The following RUSC2 variants were observed in gnomAD, a reference collection of about 807,000 sequenced individuals.
RUSC2 encodes the protein AP-4 complex accessory subunit RUSC2.
In RUSC2, 34 loss-of-function variants were observed where a neutral mutation model predicts 122.2. The observed-to-expected ratio is 0.28, with a 90% confidence interval of 0.21 to 0.37. The LOEUF is 0.37. RUSC2 is among the 10% of genes least tolerant of loss of function. The pLI is 1.00. For synonymous variants in RUSC2, 784 were observed against 790.0 expected (o/e 0.99, Z 0.13); for missense variants, 1,747 against 1,952.4 (o/e 0.89, Z 1.98).
chr9:35,522,675 A>T (rs1821239017), intron 1 of RUSC2, among the ~76,000 whole-genome samples: 1 of 152,216 alleles, frequency 6.6e-6, no homozygotes, highest in Admixed American at 6.5e-5. Context: ...TCACAAGATG[A>T]TATTAATTGA....
chr9:35,555,626 C>A lies in RUSC2; in HGVS notation c.2581C>A (p.Arg861=), dbSNP rs144693880. 1.2e-6 allele frequency: 2 copies of A among 1,612,188 alleles called. No individual in the cohort carries two copies. The highest frequency in any genetic ancestry group is 1.3e-5 in the African/African-American group (1 of 74,938). ...AAGCTTGCCGCCTCTGGGCTCCTGG[C>A]GATCTGGCCTCAGCCGAGCAGAGAG... The part of the protein sequence containing the change: ...TGSLPPLGSW[R]SGLSRAESLA... The change falls in exon 3 of 12, where the codon CGA becomes AGA. Residue 861 remains arginine, a synonymous_variant. Coordinates refer to ENST00000361226, the MANE Select transcript of RUSC2 (RefSeq NM_014806.5). This position sits in a 1 kb window ranked among gnomAD's most constrained non-coding sequence, Gnocchi z 4.6.
intron 1 of RUSC2, among the ~76,000 whole-genome samples, chr9:35,519,712 T>TC (rs1821176260): frequency 6.6e-6 from 1 of 152,208 alleles, no homozygotes; most frequent in Non-Finnish European, 1.5e-5. Flanking sequence ...AGGAAAGAGC[T>TC]CCACTGGTCA....
intron 1 of RUSC2, 113 bp downstream of exon 1, chr9:35,490,285 C>G (rs911478160): frequency 6.5e-6 from 1 of 154,066 alleles, no homozygotes; most frequent in Non-Finnish European, 1.4e-5. Context: ...CAGCGCCTGC[C>G]CTTCCCTTCA....
At position 35,548,551 on chromosome 9, in the gene RUSC2, G is replaced by C. The variant is rs765335419; in HGVS notation, c.2014+16G>C. 1.3e-6 allele frequency: 2 copies of C among 1,587,064 alleles called. No individual in the cohort carries two copies. Among genetic ancestry groups the C allele is most frequent in the Non-Finnish European group, 1.7e-6 (2 of 1,168,518 alleles). On this transcript the variant is annotated intron_variant, in intron 2 of 11. Coordinates refer to ENST00000361226, the MANE Select transcript of RUSC2 (RefSeq NM_014806.5). The surrounding 1 kb of genome is among the most constrained non-coding windows in gnomAD (Gnocchi z 4.5). ...AGAGCTGACGGTAAGGAGCCTAAGG[G>C]TTAGCAAATATGTGGCTATTCACCA...
At position 35,529,301 on chromosome 9, in the gene RUSC2, T is replaced by C. The variant is rs925845246; in HGVS notation, c.-92-17129T>C. On this transcript the variant is annotated intron_variant, in intron 1 of 11. Coordinates refer to ENST00000361226, the MANE Select transcript of RUSC2 (RefSeq NM_014806.5). ...GAACCAGTGAAGCTGCCATGAGGAG[T>C]GCTGGGAACACGGCAAACTGAAGGT... 4.0e-5 allele frequency among the ~76,000 whole-genome samples: 6 copies of C among 151,250 alleles called. No homozygotes were observed. The South Asian group carries it at 1.3e-3, about 32-fold the overall frequency.
chr9:35,519,650 C>T (rs531186638), intron 1 of RUSC2, among the ~76,000 whole-genome samples: 1 of 152,216 alleles, frequency 6.6e-6, no homozygotes, highest in South Asian at 2.1e-4. Flanking sequence ...TTTTGCCTGC[C>T]ACTTCCCTGA....
At chr9:35,495,088 T>A (rs111775833) in intron 1 of RUSC2, among the ~76,000 whole-genome samples, 34 of 50,696 alleles carry the variant, frequency 6.7e-4, no homozygotes, top group South Asian at 2.9e-3. Flanking sequence ...TAGTATATAT[T>A]ATATATACTA....
chr9:35,519,634 AAG>A (rs1443341030), intron 1 of RUSC2, among the ~76,000 whole-genome samples: 1 of 152,076 alleles, frequency 6.6e-6, no homozygotes, highest in African/African-American at 2.4e-5. Flanking sequence ...GGCTCTTTTA[AAG>A]AGATTTTGCC....
chr9:35,510,716 C>T (rs985394652), intron 1 of RUSC2, among the ~76,000 whole-genome samples: 3 of 152,162 alleles, frequency 2.0e-5, no homozygotes, highest in African/African-American at 7.2e-5. Flanking sequence ...TTCCTTCAAA[C>T]GTTTGCCCAA....
chr9:35,556,978 G>A (rs907815033), intron 5 of RUSC2, among the ~76,000 whole-genome samples: 12 of 152,110 alleles, frequency 7.9e-5, no homozygotes, highest in African/African-American at 2.2e-4. Flanking sequence ...GTCACGCTCC[G>A]GTCCCTTCCT....
intron 1 of RUSC2, among the ~76,000 whole-genome samples, chr9:35,508,560 A>G (rs753575635): frequency 1.3e-5 from 2 of 152,188 alleles, no homozygotes; most frequent in Non-Finnish European, 2.9e-5. Flanking sequence ...CCACTCTGAG[A>G]TTGTCGTCAT....
intron 10 of RUSC2, 29 bp downstream of exon 10, chr9:35,560,880 G>T: frequency 6.4e-7 from 1 of 1,565,030 alleles, no homozygotes. Flanking sequence ...TAGGGATGGA[G>T]GGAGTAGGGA....
intron 1 of RUSC2, among the ~76,000 whole-genome samples, chr9:35,543,640 T>G (rs1821686825): frequency 6.6e-6 from 1 of 152,232 alleles, no homozygotes; most frequent in Admixed American, 6.5e-5. Flanking sequence ...GGCTAATTTT[T>G]GTATTTTTAG....
At chr9:35,511,430 C>T (rs373621428) in intron 1 of RUSC2, among the ~76,000 whole-genome samples, 2 of 152,098 alleles carry the variant, frequency 1.3e-5, no homozygotes, top group African/African-American at 4.8e-5. Context: ...GAGGAGCTGT[C>T]GCAAGGATAC....
chr9:35,535,751 AG>A (rs1564257518), intron 1 of RUSC2, among the ~76,000 whole-genome samples: 1 of 151,606 alleles, frequency 6.6e-6, no homozygotes, highest in African/African-American at 2.4e-5. Flanking sequence ...TGTGTTAGCC[AG>A]GATGGTCTCA....
rs759525664 is a variant in RUSC2 at position 35,546,787 on chromosome 9, G to A, written c.266G>A (p.Arg89Gln). The change falls in exon 2 of 12, where the codon CGG becomes CAG. Residue 89 changes from arginine to glutamine, a missense_variant. Arg to Gln is a conservative substitution (Grantham distance 43, BLOSUM62 1). Coordinates refer to ENST00000361226, the MANE Select transcript of RUSC2 (RefSeq NM_014806.5). The surrounding 1 kb of genome is among the most constrained non-coding windows in gnomAD (Gnocchi z 4.3). The stretch of plus-strand genomic sequence containing the variant: ...ATAGACAGCACCAAGAGTAGGAGTC[G>A]GGATGGAAGAGGCCCTGGAGCCCCC... ...RSIDSTKSRS[R>Q]DGRGPGAPKR... 17 of 1,609,122 alleles carry A rather than the reference G, an allele frequency of 1.1e-5. No individual in the cohort carries two copies. The South Asian group carries it at 1.2e-4, about 12-fold the overall frequency.
intron 1 of RUSC2, among the ~76,000 whole-genome samples, chr9:35,506,606 G>T (rs1043590188): frequency 3.3e-5 from 5 of 152,166 alleles, no homozygotes; most frequent in Non-Finnish European, 5.9e-5. Flanking sequence ...TTTCACAAAA[G>T]ATCTGATTAA....
chr9:35,524,357 T>C (rs1028586003), intron 1 of RUSC2, among the ~76,000 whole-genome samples: 4 of 152,180 alleles, frequency 2.6e-5, no homozygotes, highest in African/African-American at 9.7e-5. Context: ...AAATAACTGA[T>C]TCAGATGAAA....
At chr9:35,511,935 CT>C (rs1436806875) in intron 1 of RUSC2, among the ~76,000 whole-genome samples, 1 of 152,128 alleles carries the variant, frequency 6.6e-6, no homozygotes, top group Admixed American at 6.5e-5. Context: ...AATCTTAGCA[CT>C]TTGGGAGGCC....
Sources: gnomAD v4.1 joint callset for allele counts (sites outside exome capture counted in the v4.1 genomes callset) on GRCh38, gnomAD v4.1.1 for gene constraint, Gnocchi (gnomAD v3.1) non-coding constraint, MANE v1.5 for transcripts, NCBI Gene and HGNC (gene_info 2026-07-23, HGNC 2026-07-21) for gene names.